The following MTUS1 variants were observed in gnomAD, a reference collection of about 807,000 sequenced individuals.
The protein encoded by MTUS1 is microtubule-associated tumor suppressor 1.
In MTUS1, 109 loss-of-function variants were observed where a neutral mutation model predicts 120.8. The observed-to-expected ratio is 0.90, with a 90% CI of 0.77 to 1.06. The LOEUF is 1.06. MTUS1 is among the 50% of genes least tolerant of loss of function. The pLI is 0.00. For synonymous variants in MTUS1, 737 were observed against 550.5 expected (o/e 1.34, Z -4.74); for missense variants, 2,210 against 1,486.3 (o/e 1.49, Z -8.01).
intron 2 of MTUS1, among the ~76,000 whole-genome samples, chr8:17,749,160 A>G (rs1396950931): frequency 6.6e-6 from 1 of 152,198 alleles, no homozygotes; most frequent in Non-Finnish European, 1.5e-5. Flanking sequence ...GCTGACCAGC[A>G]TTAACATCAA....
chr8:17,686,987 C>G (rs1047641572), intron 6 of MTUS1, among the ~76,000 whole-genome samples: 6 of 152,042 alleles, frequency 3.9e-5, no homozygotes, highest in African/African-American at 1.4e-4. Context: ...TAATACTTAG[C>G]TATGAAGGAA....
At chr8:17,675,615 A>T (rs116148505) in intron 7 of MTUS1, among the ~76,000 whole-genome samples, 1 of 152,194 alleles carries the variant, frequency 6.6e-6, no homozygotes, top group Non-Finnish European at 1.5e-5. Context: ...ATAAACATCT[A>T]ATCAGTTTAA....
At chr8:17,674,084 C>T (rs979119235) in intron 8 of MTUS1, among the ~76,000 whole-genome samples, 1 of 152,040 alleles carries the variant, frequency 6.6e-6, no homozygotes, top group African/African-American at 2.4e-5. Context: ...TTGAGGAGCC[C>T]AGGGCAGAGA....
chr8:17,724,895 C>T (rs388769), intron 3 of MTUS1, among the ~76,000 whole-genome samples: 102,360 of 152,030 alleles, frequency 0.67, 34,983 homozygotes, highest in African/African-American at 0.75. Context: ...CATCTTAGAC[C>T]GACATGCTCC....
At chr8:17,756,789 A>G (rs183182301) in intron 1 of MTUS1, among the ~76,000 whole-genome samples, 1 of 151,926 alleles carries the variant, frequency 6.6e-6, no homozygotes, top group African/African-American at 2.4e-5. Flanking sequence ...AGAAGAAGGG[A>G]AAGTGACACC....
chr8:17,801,241 A>AGCCCCGGC (rs1185992945), upstream of MTUS1: 3 of 149,496 alleles, frequency 2.0e-5, no homozygotes, highest in African/African-American at 7.4e-5. Context: ...CGGGACCCGG[A>AGCCCCGGC]GCCCCGGCCT....
chr8:17,755,698 T>C lies in MTUS1; in HGVS notation c.110A>G (p.Gln37Arg). 1 of 1,614,230 alleles carries C rather than the reference T, an allele frequency of 6.2e-7. No individual in the cohort carries two copies. The highest frequency in any genetic ancestry group is 8.5e-7 in the Non-Finnish European group (1 of 1,180,036). Residue 37 changes from glutamine (Q) to arginine (R), a missense_variant, in exon 2 of 15, where the codon CAA becomes CGA. Transcript: ENST00000693296. ...HAYNPKSPPT[Q>R]NSSASSVNWN... ...GTTCACACTGCTGGCTGAAGAGTTT[T>C]GTGTAGGTGGTGATTTCGGGTTGTA...
intron 3 of MTUS1, among the ~76,000 whole-genome samples, chr8:17,731,352 A>T (rs2046565117): frequency 6.6e-6 from 1 of 152,172 alleles, no homozygotes; most frequent in Non-Finnish European, 1.5e-5. Context: ...CATATGTGAG[A>T]ATGGGGGTGA....
rs533830560 is a variant in MTUS1, at chr8:17,748,425, G to C, written c.2092-4626C>G. Among the ~76,000 whole-genome samples the C allele has an allele frequency of 2.6e-5, 4 of 152,248 alleles. No homozygotes were observed. In the South Asian group the frequency reaches 8.3e-4, roughly 32 times the overall value. On this transcript the variant is annotated intron_variant, in intron 2 of 14. Coordinates refer to ENST00000693296, the MANE Select transcript of MTUS1 (RefSeq NM_001363059.2). ...TCTTGGACAGTGGACAAGAGCTTGG[G>C]ACCCACCAACTTTGGGTACCCAAAA... is the stretch of plus-strand genomic sequence containing the variant.
chr8:17,710,398 T>G (rs1276948969), intron 6 of MTUS1, among the ~76,000 whole-genome samples: 2 of 152,164 alleles, frequency 1.3e-5, no homozygotes, highest in Admixed American at 1.3e-4. Context: ...TTACCAGGAG[T>G]AGATTCCATC....
chr8:17,727,070 C>G (rs1272178398), intron 3 of MTUS1, among the ~76,000 whole-genome samples: 1 of 152,150 alleles, frequency 6.6e-6, no homozygotes, highest in Non-Finnish European at 1.5e-5. Flanking sequence ...TTTCCCTGAC[C>G]TCCCCTATCT....
At chr8:17,685,392 C>T (rs1008488268) in intron 6 of MTUS1, among the ~76,000 whole-genome samples, 18 of 151,448 alleles carry the variant, frequency 1.2e-4, no homozygotes, top group African/African-American at 4.1e-4. Flanking sequence ...ATTGGAAAAA[C>T]AGGACATCAA....
chr8:17,767,598 T>TG (rs2049629336), intron 1 of MTUS1, among the ~76,000 whole-genome samples: 1 of 149,374 alleles, frequency 6.7e-6, no homozygotes, highest in African/African-American at 2.5e-5. Flanking sequence ...CTCTGAAGGC[T>TG]GAGGGCAGGA....
At chr8:17,697,479 G>GTCAGAGGAAAGATGCCT in intron 6 of MTUS1, 2 of 1,477,416 alleles carry the variant, frequency 1.4e-6, no homozygotes, top group South Asian at 1.5e-5. Flanking sequence ...AAGAAATACA[G>GTCAGAGGAAAGATGCCT]TCAGAGGAAA....
intron 4 of MTUS1, chr8:17,721,736 A>C (rs781704979): frequency 6.3e-7 from 1 of 1,587,276 alleles, no homozygotes; most frequent in Non-Finnish European, 8.6e-7. Flanking sequence ...AACGTGGCTA[A>C]CAAAGGAATT....
intron 2 of MTUS1, among the ~76,000 whole-genome samples, chr8:17,752,782 G>A (rs766356163): frequency 2.6e-5 from 4 of 152,088 alleles, no homozygotes; most frequent in Non-Finnish European, 4.4e-5. Flanking sequence ...CTCCCTTCCT[G>A]GCCCAGAGGA....
At chr8:17,696,173 C>G (rs1200378326) in intron 6 of MTUS1, among the ~76,000 whole-genome samples, 2 of 152,096 alleles carry the variant, frequency 1.3e-5, no homozygotes, top group African/African-American at 2.4e-5. Flanking sequence ...GCTGCCTCCC[C>G]CCATTTACCG....
intron 3 of MTUS1, among the ~76,000 whole-genome samples, chr8:17,737,409 A>G (rs945574874): frequency 1.3e-5 from 2 of 152,276 alleles, no homozygotes; most frequent in African/African-American, 4.8e-5. Context: ...TTATGAAAAG[A>G]GATCCTGATA....
At chr8:17,744,855 G>A (rs2047624138) in intron 2 of MTUS1, among the ~76,000 whole-genome samples, 1 of 151,908 alleles carries the variant, frequency 6.6e-6, no homozygotes. Flanking sequence ...TCAACGAACT[G>A]CCAAGCAGTA....
Sources: allele counts gnomAD v4.1 joint callset (sites outside exome capture counted in the v4.1 genomes callset), GRCh38; gene constraint gnomAD v4.1.1; transcripts MANE v1.5; gene names NCBI Gene and HGNC (gene_info 2026-07-23, HGNC 2026-07-21).